ACMSD: variants seen among roughly 807,000 people sequenced by gnomAD.
ACMSD encodes aminocarboxymuconate semialdehyde decarboxylase.
In ACMSD, 37 loss-of-function variants were observed where a neutral mutation model predicts 45.9. The observed-to-expected ratio is 0.81, with a 90% confidence interval of 0.62 to 1.06. ACMSD has a LOEUF of 1.06. Among genes scored for constraint, ACMSD ranks in the 50% least tolerant of loss-of-function variants. The pLI, the probability that ACMSD is intolerant of heterozygous loss-of-function variation, is 0.00. For synonymous variants in ACMSD, 138 were observed against 148.8 expected, an observed-to-expected ratio of 0.93 and a Z score of 0.53; for missense variants, 434 against 420.9, an observed-to-expected ratio of 1.03 and a Z score of -0.27.
At chr2:134,885,291 T>A (rs868584311) in intron 8 of ACMSD, among the ~76,000 whole-genome samples, 146 of 38,384 alleles carry the variant, frequency 3.8e-3, no homozygotes, top group Admixed American at 7.8e-3. Context: ...TATATTATAT[T>A]TATATATATA....
chr2:134,869,706 G>T (rs1688324805), intron 6 of ACMSD, among the ~76,000 whole-genome samples: 3 of 145,318 alleles, frequency 2.1e-5, no homozygotes, highest in African/African-American at 7.6e-5. Context: ...TTATAAACAA[G>T]TATATATATA....
At chr2:134,866,773 T>C (rs1466644572) in intron 5 of ACMSD, among the ~76,000 whole-genome samples, 4 of 150,840 alleles carry the variant, frequency 2.7e-5, no homozygotes, top group Admixed American at 6.6e-5. Context: ...AGGAGACTTC[T>C]TTTAATTAAA....
At chr2:134,870,529 GC>G (rs1456529170) in intron 6 of ACMSD, among the ~76,000 whole-genome samples, 1 of 152,132 alleles carries the variant, frequency 6.6e-6, no homozygotes, top group Admixed American at 6.5e-5. Context: ...ATCATTATTT[GC>G]AAGGCTCCAC....
rs186805409 is a variant in ACMSD at position 134,865,672 on chromosome 2, T to C, written c.487-1907T>C. 2.0e-3 allele frequency among the ~76,000 whole-genome samples: 301 copies of C among 152,336 alleles called. 1 individual carries two copies. Among genetic ancestry groups the C allele is most frequent in the African/African-American group, 6.4e-3 (265 of 41,580 alleles). ...AATAATGTGCTGAAATGAATTATCA[T>C]GAGCCAGGTTGGCTTTGTCATCTCA... On this transcript the variant is annotated intron_variant, in intron 5 of 9. Transcript: ENST00000356140.
chr2:134,863,607 G>A lies in ACMSD; in HGVS notation c.462G>A (p.Ala154=), dbSNP rs369584382. Reference sequence around the variant, plus strand: ...ACGTCAACGAGTGGGACCTGAACGCGCAGGAGCTCTTTCCTGTCTATGCGG... The same window carrying A: ...ACGTCAACGAGTGGGACCTGAACGCACAGGAGCTCTTTCCTGTCTATGCGG... ...GTHVNEWDLN[A]QELFPVYAAA... Residue 154 remains alanine, a synonymous_variant, in exon 5 of 10, where the codon GCG becomes GCA. Coordinates refer to ENST00000356140, the MANE Select transcript of ACMSD (RefSeq NM_138326.3). 4.8e-5 allele frequency: 78 copies of A among 1,614,160 alleles called. No individual in the cohort carries two copies. The African/African-American group carries it at 6.5e-4, about 14-fold the overall frequency.
chr2:134,870,935 C>A (rs1442354302), intron 6 of ACMSD, 30 bp from the exon 7 acceptor site: 1 of 1,592,004 alleles, frequency 6.3e-7, no homozygotes, highest in Non-Finnish European at 8.6e-7. Context: ...GGTGATCATC[C>A]CTGAACCTTG....
At chr2:134,882,227 T>A (rs1689075800) in intron 8 of ACMSD, among the ~76,000 whole-genome samples, 1 of 152,238 alleles carries the variant, frequency 6.6e-6, no homozygotes. Context: ...ACAAGATATT[T>A]TCCTGTGTAC....
intron 8 of ACMSD, among the ~76,000 whole-genome samples, chr2:134,891,289 C>T (rs1167815507): frequency 6.6e-6 from 1 of 151,960 alleles, no homozygotes; most frequent in East Asian, 1.9e-4. Context: ...AAATTTTTAA[C>T]CCATCTTCAG....
intron 2 of ACMSD, among the ~76,000 whole-genome samples, chr2:134,855,186 A>G (rs1231120096): frequency 6.6e-6 from 1 of 152,218 alleles, no homozygotes; most frequent in East Asian, 1.9e-4. Flanking sequence ...TAAGAAGAAA[A>G]GAAATTTGTT....
chr2:134,846,934 G>A (rs1036303346), intron 2 of ACMSD, among the ~76,000 whole-genome samples: 21 of 152,162 alleles, frequency 1.4e-4, no homozygotes, highest in African/African-American at 4.8e-4. Flanking sequence ...CAAAGGCTTC[G>A]AGGATGAGAA....
At chr2:134,863,739 G>A (rs1021586228) in intron 5 of ACMSD, 108 bp downstream of exon 5, 10 of 1,138,148 alleles carry the variant, frequency 8.8e-6, no homozygotes, top group Admixed American at 7.9e-5. Context: ...TGGGAGGGGA[G>A]AGCGGTGTCC....
chr2:134,843,700 C>G (rs1686915802), intron 1 of ACMSD, among the ~76,000 whole-genome samples: 1 of 152,222 alleles, frequency 6.6e-6, no homozygotes, highest in Non-Finnish European at 1.5e-5. Flanking sequence ...CACCGCTGAC[C>G]AACTCAGAGC....
chr2:134,860,435 C>T (rs2104850133), intron 3 of ACMSD, among the ~76,000 whole-genome samples: 1 of 152,312 alleles, frequency 6.6e-6, no homozygotes, highest in East Asian at 1.9e-4. Flanking sequence ...TGATGGGGAA[C>T]TGACCACCAC....
chr2:134,870,601 C>A (rs549138690), intron 6 of ACMSD, among the ~76,000 whole-genome samples: 263 of 152,278 alleles, frequency 1.7e-3, no homozygotes, highest in African/African-American at 5.4e-3. Flanking sequence ...GGGCTCAGAG[C>A]CATTAGATAA....
At chr2:134,840,150 C>G (rs1447428379) in intron 1 of ACMSD, among the ~76,000 whole-genome samples, 2 of 83,222 alleles carry the variant, frequency 2.4e-5, no homozygotes, top group Non-Finnish European at 4.3e-5. Flanking sequence ...TTTAAAATAG[C>G]CATAAACTAT....
chr2:134,867,755 G>C, intron 6 of ACMSD, 83 bp downstream of exon 6: 1 of 1,108,558 alleles, frequency 9.0e-7, no homozygotes, highest in South Asian at 1.4e-5. Context: ...ATGTCAAATA[G>C]GGAAAGTATG....
chr2:134,882,109 C>T (rs1269607256), intron 8 of ACMSD, among the ~76,000 whole-genome samples: 3 of 152,166 alleles, frequency 2.0e-5, no homozygotes, highest in African/African-American at 7.2e-5. Context: ...TACAGTGAGA[C>T]TTGGTCTCAA....
rs1429784119 is a variant in ACMSD at position 134,889,260 on chromosome 2, T to G, written c.850-9081T>G. On this transcript the variant is annotated intron_variant, in intron 8 of 9. Coordinates refer to ENST00000356140, the MANE Select transcript of ACMSD (RefSeq NM_138326.3). The stretch of plus-strand genomic sequence containing the variant: ...ATACATGGTTTTTAATATAGAAAGA[T>G]ATGGAAATATAGATATGTGTGTGTG... 2.0e-5 allele frequency among the ~76,000 whole-genome samples: 3 copies of G among 152,162 alleles called. No individual in the cohort carries two copies. The South Asian group carries it at 6.2e-4, about 32-fold the overall frequency.
chr2:134,865,169 A>G (rs1293890848), intron 5 of ACMSD, among the ~76,000 whole-genome samples: 1 of 152,216 alleles, frequency 6.6e-6, no homozygotes, highest in Non-Finnish European at 1.5e-5. Flanking sequence ...ACTGCCCACC[A>G]GTCAGGAGAT....
Sources: allele counts gnomAD v4.1 joint callset (sites outside exome capture counted in the v4.1 genomes callset), GRCh38; gene constraint gnomAD v4.1.1; transcripts MANE v1.5; gene names NCBI Gene and HGNC (gene_info 2026-07-23, HGNC 2026-07-21).